The following PANX1 variants were observed in gnomAD, a reference collection of about 807,000 sequenced individuals.
The protein encoded by PANX1 is pannexin 1.
PANX1 carries 30 observed loss-of-function variants against 38.7 expected under a neutral mutation model. The ratio of observed to expected loss-of-function variants is 0.78; its 90% CI spans 0.58 to 1.05. The LOEUF is 1.05. PANX1 is among the 50% of genes least tolerant of loss of function. PANX1 has a pLI of 0.00. For synonymous variants in PANX1, 230 were observed against 212.2 expected (o/e 1.08, Z -0.73); for missense variants, 551 against 517.2 (o/e 1.07, Z -0.63).
At chr11:94,147,951 A>G (rs759010230) in intron 1 of PANX1, among the ~76,000 whole-genome samples, 1 of 152,112 alleles carries the variant, frequency 6.6e-6, no homozygotes, top group Non-Finnish European at 1.5e-5. Context: ...GAAACATTTG[A>G]TGATGCTCAG....
At position 94,162,806 on chromosome 11, in the gene PANX1, CGCTCACACTGGG is replaced by C. The variant is rs1947060779; in HGVS notation, c.321+9177_321+9188del. Among the ~76,000 whole-genome samples, 3 of 151,160 alleles carry C rather than the reference CGCTCACACTGGG, an allele frequency of 2.0e-5. 1 individual carries two copies. The highest frequency in any genetic ancestry group is 6.6e-5 in the Admixed American group (1 of 15,182). The stretch of plus-strand genomic sequence containing the variant: ...TGCAGAAATTACCTGTCTTCTGCGT[CGCTCACACTGGG>C]AGCTCTAGACTGGAGCTGTTCCTAT... On this transcript the variant is annotated intron_variant, in intron 2 of 4. Coordinates refer to ENST00000227638, the MANE Select transcript of PANX1 (RefSeq NM_015368.4).
intron 1 of PANX1, among the ~76,000 whole-genome samples, chr11:94,137,173 G>A (rs899109718): frequency 3.9e-5 from 6 of 152,102 alleles, no homozygotes; most frequent in Non-Finnish European, 7.4e-5. Flanking sequence ...GTGTGGTGGC[G>A]CATGCCTGTA....
chr11:94,166,324 A>G (rs1591521440), intron 2 of PANX1, among the ~76,000 whole-genome samples: 2 of 152,074 alleles, frequency 1.3e-5, no homozygotes, highest in South Asian at 2.1e-4. Context: ...TCCTTTTACC[A>G]TGTCTCGTAA....
chr11:94,143,747 CTT>C (rs1158289482), intron 1 of PANX1, among the ~76,000 whole-genome samples: 3 of 145,768 alleles, frequency 2.1e-5, no homozygotes, highest in African/African-American at 7.5e-5. Context: ...TCCTCCATAT[CTT>C]TTTTTTTTTT....
chr11:94,146,688 T>C (rs892503693), intron 1 of PANX1, among the ~76,000 whole-genome samples: 1 of 152,166 alleles, frequency 6.6e-6, no homozygotes, highest in African/African-American at 2.4e-5. Flanking sequence ...ATGAAGAGCA[T>C]TGCATTAAAC....
intron 1 of PANX1, among the ~76,000 whole-genome samples, chr11:94,133,246 T>A (rs1946651709): frequency 6.6e-6 from 1 of 152,188 alleles, no homozygotes; most frequent in African/African-American, 2.4e-5. Context: ...TGGGGCTACC[T>A]GGGCTGGTGG....
chr11:94,132,077 C>G (rs1946636666), intron 1 of PANX1, among the ~76,000 whole-genome samples: 1 of 152,168 alleles, frequency 6.6e-6, no homozygotes, highest in Non-Finnish European at 1.5e-5. Flanking sequence ...GCTTTATAAC[C>G]TGTCTATGCA....
chr11:94,141,561 C>A (rs7107513), intron 1 of PANX1, among the ~76,000 whole-genome samples: 6,166 of 152,200 alleles, frequency 0.041, 425 homozygotes, highest in African/African-American at 0.14. Flanking sequence ...TTCTGAAATC[C>A]ATCTTAACTA....
At chr11:94,138,839 T>G (rs1946729378) in intron 1 of PANX1, among the ~76,000 whole-genome samples, 1 of 152,240 alleles carries the variant, frequency 6.6e-6, no homozygotes, top group South Asian at 2.1e-4. Context: ...GCAGAAGTTA[T>G]TTTAAGTCAT....
intron 2 of PANX1, among the ~76,000 whole-genome samples, chr11:94,156,469 A>G (rs1946949871): frequency 6.6e-6 from 1 of 151,916 alleles, no homozygotes; most frequent in Non-Finnish European, 1.5e-5. Flanking sequence ...CCTTATTAAC[A>G]CTCCTTGGCA....
chr11:94,142,230 G>C (rs149928570), intron 1 of PANX1, among the ~76,000 whole-genome samples: 2 of 152,248 alleles, frequency 1.3e-5, no homozygotes, highest in African/African-American at 4.8e-5. Context: ...TGCTGGGGAG[G>C]GTGCCTAGTC....
chr11:94,165,825 A>G (rs548420080), intron 2 of PANX1, among the ~76,000 whole-genome samples: 144 of 152,280 alleles, frequency 9.5e-4, no homozygotes, highest in Non-Finnish European at 1.5e-3. Context: ...CAGAAGAATC[A>G]CTTGAACTTA....
At chr11:94,175,950 A>G in intron 2 of PANX1, 1 of 951,994 alleles carries the variant, frequency 1.1e-6, no homozygotes. Flanking sequence ...CGTCTGGGGC[A>G]GAGATTCCTT....
intron 2 of PANX1, among the ~76,000 whole-genome samples, chr11:94,163,357 G>T (rs916862544): frequency 6.6e-6 from 1 of 152,052 alleles, no homozygotes; most frequent in African/African-American, 2.4e-5. Flanking sequence ...ACTAGCTGTG[G>T]GTTTGTTGTA....
chr11:94,160,486 T>C (rs535822863), intron 2 of PANX1, among the ~76,000 whole-genome samples: 91 of 152,318 alleles, frequency 6.0e-4, no homozygotes, highest in Non-Finnish European at 7.1e-4. Flanking sequence ...GTAATGGCCT[T>C]CTTTGTCTCT....
intron 1 of PANX1, among the ~76,000 whole-genome samples, chr11:94,150,850 G>A (rs141337486): frequency 0.01 from 1,577 of 152,208 alleles, 20 homozygotes; most frequent in Non-Finnish European, 0.016. Context: ...CTGGCCACTT[G>A]GAGGAACCAC....
At chr11:94,178,127 A>C (rs886858771) in intron 2 of PANX1, among the ~76,000 whole-genome samples, 5 of 152,086 alleles carry the variant, frequency 3.3e-5, no homozygotes, top group Non-Finnish European at 5.9e-5. Flanking sequence ...ACCATGTGTC[A>C]CCATGCAGTT....
At chr11:94,134,059 ATAGGTAAG>A (rs1946660508) in intron 1 of PANX1, among the ~76,000 whole-genome samples, 1 of 152,210 alleles carries the variant, frequency 6.6e-6, no homozygotes, top group Non-Finnish European at 1.5e-5. Context: ...CATCGTCATG[ATAGGTAAG>A]TTGTCCCACT....
intron 2 of PANX1, among the ~76,000 whole-genome samples, chr11:94,161,202 C>G (rs1452772574): frequency 1.3e-5 from 2 of 152,118 alleles, no homozygotes; most frequent in East Asian, 3.9e-4. Context: ...AATTATGTGT[C>G]TTGGAGTTGC....
Sources: gnomAD v4.1 joint callset for allele counts (sites outside exome capture counted in the v4.1 genomes callset) on GRCh38, gnomAD v4.1.1 for gene constraint, MANE v1.5 for transcripts, NCBI Gene and HGNC (gene_info 2026-07-23, HGNC 2026-07-21) for gene names.